Variants in ROBO1 observed in about 807,000 individuals in gnomAD.
ROBO1 encodes the protein roundabout guidance receptor 1, also known as roundabout homolog 1.
ROBO1 carries 149 observed loss-of-function variants against 195.9 expected under a neutral mutation model. The ratio of observed to expected loss-of-function variants is 0.76; its 90% CI spans 0.67 to 0.87. The LOEUF is 0.87. ROBO1 is among the 40% of genes least tolerant of loss of function. The pLI, the probability that ROBO1 is intolerant of heterozygous loss-of-function variation, is 0.00. For synonymous variants in ROBO1, 816 were observed against 733.2 expected (o/e 1.11, Z -1.82); for missense variants, 1,933 against 2,068.3 (o/e 0.93, Z 1.27).
At chr3:78,634,905 A>T (rs1705403163) in intron 23 of ROBO1, among the ~76,000 whole-genome samples, 1 of 152,156 alleles carries the variant, frequency 6.6e-6, no homozygotes, top group African/African-American at 2.4e-5. Flanking sequence ...CGCATTTTCA[A>T]AGAAAATGTT....
At chr3:79,764,079 AG>A (rs1190224354) in intron 1 of ROBO1, among the ~76,000 whole-genome samples, 1 of 152,138 alleles carries the variant, frequency 6.6e-6, no homozygotes, top group Non-Finnish European at 1.5e-5. Context: ...AAACTCTCTG[AG>A]CTTCATTCTC....
intron 2 of ROBO1, among the ~76,000 whole-genome samples, chr3:79,507,183 T>A (rs559080234): frequency 2.6e-5 from 4 of 152,330 alleles, no homozygotes; most frequent in Admixed American, 6.5e-5. Flanking sequence ...CATGATGATG[T>A]ACAAAACAAG....
At chr3:79,462,882 T>G (rs531900477) in intron 2 of ROBO1, among the ~76,000 whole-genome samples, 1 of 152,360 alleles carries the variant, frequency 6.6e-6, no homozygotes, top group East Asian at 1.9e-4. Context: ...TGTTACTATT[T>G]ACACAAACTG....
intron 4 of ROBO1, among the ~76,000 whole-genome samples, chr3:78,902,818 T>C (rs2037667388): frequency 6.6e-6 from 1 of 152,106 alleles, no homozygotes; most frequent in Non-Finnish European, 1.5e-5. Context: ...CACTTTAGCC[T>C]GGGTGACAAA....
chr3:78,855,978 G>A (rs2034391987), intron 4 of ROBO1, among the ~76,000 whole-genome samples: 1 of 150,984 alleles, frequency 6.6e-6, no homozygotes, highest in Non-Finnish European at 1.5e-5. Context: ...ATACTAAGAA[G>A]AGAAAAATTT....
At chr3:79,394,119 T>A (rs1009321824) in intron 2 of ROBO1, among the ~76,000 whole-genome samples, 1 of 151,688 alleles carries the variant, frequency 6.6e-6, no homozygotes, top group East Asian at 1.9e-4. Context: ...CCTGCTTTGG[T>A]ATAGAATCCA....
intron 1 of ROBO1, among the ~76,000 whole-genome samples, chr3:79,726,042 G>A (rs1576287937): frequency 6.6e-6 from 1 of 152,260 alleles, no homozygotes; most frequent in East Asian, 1.9e-4. Context: ...CAAGAGTCTG[G>A]CAGCCATTCT....
At chr3:79,142,185 T>G (rs2080541898) in intron 2 of ROBO1, among the ~76,000 whole-genome samples, 1 of 152,182 alleles carries the variant, frequency 6.6e-6, no homozygotes, top group African/African-American at 2.4e-5. Context: ...ACAAAAAACA[T>G]ACAAAATAAC....
chr3:78,669,829 C>T (rs1707959166), intron 11 of ROBO1, among the ~76,000 whole-genome samples: 2 of 152,224 alleles, frequency 1.3e-5, no homozygotes, highest in African/African-American at 2.4e-5. Context: ...CACAAACCCT[C>T]ATTTACTTTC....
chr3:79,235,006 C>A (rs1451259456), intron 2 of ROBO1, among the ~76,000 whole-genome samples: 1 of 152,036 alleles, frequency 6.6e-6, no homozygotes, highest in South Asian at 2.1e-4. Context: ...AAAATACAAG[C>A]AATATCAAAT....
intron 1 of ROBO1, among the ~76,000 whole-genome samples, chr3:79,679,796 G>A (rs1183663689): frequency 2.6e-5 from 4 of 151,910 alleles, no homozygotes; most frequent in Non-Finnish European, 5.9e-5. Context: ...AAAGAATCAG[G>A]ATGACAAATA....
intron 3 of ROBO1, chr3:79,019,328 G>T: frequency 1.0e-6 from 1 of 985,844 alleles, no homozygotes; most frequent in Non-Finnish European, 1.2e-6. Flanking sequence ...GGCTCTCCCC[G>T]GGGTGGCAGA....
intron 4 of ROBO1, among the ~76,000 whole-genome samples, chr3:78,883,022 A>G (rs936037215): frequency 1.3e-5 from 2 of 152,158 alleles, no homozygotes; most frequent in Admixed American, 1.3e-4. Context: ...CATGTTGGCC[A>G]GGCCGGTCTT....
At chr3:78,965,957 A>C (rs531250467) in intron 3 of ROBO1, among the ~76,000 whole-genome samples, 1 of 152,222 alleles carries the variant, frequency 6.6e-6, no homozygotes, top group Non-Finnish European at 1.5e-5. Context: ...AATTATCTTT[A>C]AATGCAACAA....
At position 78,790,031 on chromosome 3, in the gene ROBO1, T is replaced by C. The variant is rs544279609; in HGVS notation, c.500-43131A>G. Among the ~76,000 whole-genome samples the C allele has an allele frequency of 9.2e-5, 14 of 152,322 alleles. No individual in the cohort carries two copies. In the South Asian group the frequency reaches 2.7e-3, roughly 29 times the overall value. ...TTTATAATAAATTTAATCTCCTCTA[T>C]TGCAGCTTTGTCTTCTATTGTCCAC... is the stretch of plus-strand genomic sequence containing the variant. On this transcript the variant is annotated intron_variant, in intron 4 of 30. Coordinates refer to ENST00000464233, the MANE Select transcript of ROBO1 (RefSeq NM_002941.4).
intron 3 of ROBO1, among the ~76,000 whole-genome samples, chr3:79,072,799 TATTA>T (rs1161494410): frequency 2.0e-5 from 3 of 151,980 alleles, no homozygotes; most frequent in Non-Finnish European, 4.4e-5. Flanking sequence ...GCTCATCTTG[TATTA>T]ATTTTCTCTC....
chr3:78,720,267 A>G (rs1465873895), intron 5 of ROBO1, among the ~76,000 whole-genome samples: 1 of 152,216 alleles, frequency 6.6e-6, no homozygotes, highest in Non-Finnish European at 1.5e-5. Context: ...ATGTCACACA[A>G]CAAGTGGAAA....
chr3:79,048,868 A>T (rs2078644278), intron 3 of ROBO1, among the ~76,000 whole-genome samples: 1 of 152,174 alleles, frequency 6.6e-6, no homozygotes. Flanking sequence ...CAAAACAGAC[A>T]TCCACACCAA....
chr3:79,538,211 T>A (rs886726800), intron 2 of ROBO1, among the ~76,000 whole-genome samples: 2 of 152,172 alleles, frequency 1.3e-5, no homozygotes, highest in Non-Finnish European at 2.9e-5. Context: ...GTAACACTTT[T>A]GTGTCTGAAG....
Sources: gnomAD v4.1 joint callset for allele counts (sites outside exome capture counted in the v4.1 genomes callset) on GRCh38, gnomAD v4.1.1 for gene constraint, MANE v1.5 for transcripts, NCBI Gene and HGNC (gene_info 2026-07-23, HGNC 2026-07-21) for gene names.